KALRN: variants seen among roughly 807,000 people sequenced by gnomAD.
KALRN encodes the protein kalirin.
A neutral mutation model predicts 353.7 loss-of-function variants in KALRN; 70 were observed. The observed-to-expected ratio is 0.20, with a 90% CI of 0.16 to 0.24. The LOEUF (loss-of-function observed/expected upper bound fraction) is 0.24, where lower values mean the gene tolerates loss of function less well. Among genes scored for constraint, KALRN ranks in the 10% least tolerant of loss-of-function variants. The probability of loss-of-function intolerance (pLI) is 1.00; values close to 1 mark genes in which losing one functional copy is unlikely to be tolerated. For synonymous variants in KALRN, 1,391 were observed against 1,434.8 expected (o/e 0.97, Z 0.69); for missense variants, 2,791 against 3,756.7 (o/e 0.74, Z 6.72).
chr3:124,568,133 A>G lies in KALRN; in HGVS notation c.5182+5044A>G, dbSNP rs73189588. Among the ~76,000 whole-genome samples, 1,124 of 152,350 alleles carry G rather than the reference A, an allele frequency of 7.4e-3. 13 individuals carry two copies. Among genetic ancestry groups the G allele is most frequent in the Non-Finnish European group, 0.013 (878 of 68,038 alleles). ...TGAGGGTTAATGTCCAGATTATATA[A>G]AGAACTCCTGCAACTCAACAACAAC... On this transcript the variant is annotated intron_variant, in intron 34 of 59. Coordinates refer to ENST00000682506, the MANE Select transcript of KALRN (RefSeq NM_001388419.1).
At chr3:124,447,367 G>A (rs6808971) in intron 21 of KALRN, among the ~76,000 whole-genome samples, 4,053 of 152,234 alleles carry the variant, frequency 0.027, 188 homozygotes, top group African/African-American at 0.091. Context: ...CCTCAAACCC[G>A]CTCATGAGCT....
Position 124,717,565 on chromosome 3 carries a change from G to A in KALRN, c.8415+180G>A, listed in dbSNP as rs185706763. 4.0e-3 allele frequency among the ~76,000 whole-genome samples: 602 copies of A among 151,954 alleles called. 6 individuals are homozygous for A. Among genetic ancestry groups the A allele is most frequent in the African/African-American group, 0.013 (530 of 41,490 alleles). ...AAAAAAATTAGCCAGGAGTGGTGGT[G>A]GGCACCTGTAGTCCCAGCAACTTGG... On this transcript the variant is annotated intron_variant, in intron 59 of 59. Transcript: ENST00000682506.
chr3:124,215,894 T>G (rs956976500), intron 1 of KALRN, among the ~76,000 whole-genome samples: 1 of 152,214 alleles, frequency 6.6e-6, no homozygotes, highest in African/African-American at 2.4e-5. Context: ...CCAGCAGATC[T>G]TGTTAAACAT....
At chr3:124,224,879 G>T (rs2078307938) in intron 1 of KALRN, among the ~76,000 whole-genome samples, 1 of 152,156 alleles carries the variant, frequency 6.6e-6, no homozygotes, top group South Asian at 2.1e-4. Flanking sequence ...ACCCTGGAGG[G>T]CATCTACTCA....
At chr3:124,488,578 G>A (rs1235098485) in intron 29 of KALRN, 4 of 384,184 alleles carry the variant, frequency 1.0e-5, no homozygotes, top group Non-Finnish European at 1.9e-5. Flanking sequence ...GTCCAGGACA[G>A]GCCATCACCC....
chr3:124,442,991 A>G (rs114067154), intron 19 of KALRN, among the ~76,000 whole-genome samples: 2,646 of 152,248 alleles, frequency 0.017, 63 homozygotes, highest in African/African-American at 0.06. Flanking sequence ...TCAAAAAAAG[A>G]AAAAAGAAAA....
chr3:124,283,207 C>T (rs540815265), intron 5 of KALRN, among the ~76,000 whole-genome samples: 5 of 152,330 alleles, frequency 3.3e-5, no homozygotes, highest in African/African-American at 1.2e-4. Context: ...TTTGCAGTAA[C>T]AATAATAGTT....
intron 34 of KALRN, chr3:124,585,040 G>A: frequency 9.2e-7 from 1 of 1,089,504 alleles, no homozygotes. Flanking sequence ...TCAGGAGGGC[G>A]GCGAAGTGAG....
intron 1 of KALRN, among the ~76,000 whole-genome samples, chr3:124,090,304 G>A (rs979837608): frequency 1.7e-4 from 26 of 152,224 alleles, no homozygotes; most frequent in Admixed American, 1.7e-3. Context: ...AGCCAAGGCA[G>A]AGTTAAAGAT....
chr3:124,081,455 G>A (rs1436022875), intron 1 of KALRN, among the ~76,000 whole-genome samples: 1 of 152,136 alleles, frequency 6.6e-6, no homozygotes, highest in East Asian at 1.9e-4. Flanking sequence ...AGGCTAATTT[G>A]TCCCACCCTA....
In KALRN at chr3:124,371,027, G is replaced by A. The variant is rs114512865; in HGVS notation, c.1771-13818G>A. On this transcript the variant is annotated intron_variant, in intron 10 of 59. Transcript: ENST00000682506. ...ATTGTCCCCATAAACTTTTTATAAA[G>A]CATAAATAATTTCACCATTCTTCCA... Among the ~76,000 whole-genome samples, 383 of 152,246 alleles carry A rather than the reference G, an allele frequency of 2.5e-3. 2 individuals are homozygous for A. Among genetic ancestry groups the A allele is most frequent in the African/African-American group, 8.3e-3 (345 of 41,538 alleles).
chr3:124,512,081 A>G (rs2065967391), intron 33 of KALRN, among the ~76,000 whole-genome samples: 1 of 152,212 alleles, frequency 6.6e-6, no homozygotes, highest in Admixed American at 6.5e-5. Flanking sequence ...TTATGTATAT[A>G]TCTCTGGTTT....
At chr3:124,698,114 G>A (rs937500650) in intron 55 of KALRN, among the ~76,000 whole-genome samples, 2 of 152,052 alleles carry the variant, frequency 1.3e-5, no homozygotes, top group South Asian at 2.1e-4. Flanking sequence ...GGACTAAAGC[G>A]CACACCACCA....
At chr3:124,431,065 T>A (rs1181178698) in intron 16 of KALRN, among the ~76,000 whole-genome samples, 1 of 152,248 alleles carries the variant, frequency 6.6e-6, no homozygotes, top group Non-Finnish European at 1.5e-5. Context: ...TTGGTTTTTT[T>A]ATACATTCTA....
At chr3:124,141,336 T>C (rs887902821) in intron 1 of KALRN, among the ~76,000 whole-genome samples, 8 of 152,290 alleles carry the variant, frequency 5.3e-5, no homozygotes, top group South Asian at 2.1e-4. Context: ...CTCCCTAGCC[T>C]CGCCCAACCC....
intron 38 of KALRN, among the ~76,000 whole-genome samples, chr3:124,652,198 A>G (rs1309442589): frequency 6.6e-6 from 1 of 152,230 alleles, no homozygotes; most frequent in African/African-American, 2.4e-5. Context: ...CAAAGTGTCT[A>G]TTTATGAGTT....
At chr3:124,264,423 C>G in intron 3 of KALRN, 75 bp from the exon 4 acceptor site, 1 of 1,286,678 alleles carries the variant, frequency 7.8e-7, no homozygotes, top group East Asian at 2.5e-5. Flanking sequence ...TGCAGGTTTC[C>G]GGGTGCTTTT....
chr3:124,667,259 T>G (rs2085758063), intron 47 of KALRN, 76 bp downstream of exon 47: 16 of 1,316,626 alleles, frequency 1.2e-5, no homozygotes, highest in Non-Finnish European at 4.2e-6. Context: ...GGGTCTAGGT[T>G]CATGTTGAGT....
chr3:124,126,104 G>A (rs1173730412), intron 1 of KALRN, among the ~76,000 whole-genome samples: 4 of 152,096 alleles, frequency 2.6e-5, no homozygotes, highest in Admixed American at 2.6e-4. Context: ...ATGTTGAATA[G>A]GAGAGAATCA....
Sources: allele counts gnomAD v4.1 joint callset (sites outside exome capture counted in the v4.1 genomes callset), GRCh38; gene constraint gnomAD v4.1.1; transcripts MANE v1.5; gene names NCBI Gene and HGNC (gene_info 2026-07-23, HGNC 2026-07-21).